JMY: variants seen among roughly 807,000 people sequenced by gnomAD.
The protein encoded by JMY is junction-mediating and -regulatory protein.
Under a neutral mutation model 103.3 loss-of-function variants are expected in JMY, and 46 were observed. The ratio of observed to expected loss-of-function variants is 0.45; its 90% CI spans 0.35 to 0.57. The LOEUF (loss-of-function observed/expected upper bound fraction) is 0.57. JMY is among the 20% of genes least tolerant of loss of function. The pLI is 0.00. For missense variants in JMY, 1,238 were observed against 1,255.2 expected (o/e 0.99, Z 0.21); for synonymous variants, 526 against 489.3 (o/e 1.07, Z -0.99).
chr5:79,295,948 G>A (rs1746551731), intron 4 of JMY, among the ~76,000 whole-genome samples: 1 of 152,152 alleles, frequency 6.6e-6, no homozygotes, highest in Non-Finnish European at 1.5e-5. Flanking sequence ...AGCAGTTAAA[G>A]TTTAAAATGT....
At chr5:79,296,592 CTG>C (rs1746570275) in intron 4 of JMY, among the ~76,000 whole-genome samples, 3 of 152,362 alleles carry the variant, frequency 2.0e-5, no homozygotes, top group Admixed American at 2.0e-4. Flanking sequence ...AGAGTCCCTA[CTG>C]TCTCAGCCTC....
rs756910039 is a variant in JMY at position 79,236,717 on chromosome 5, G to A, written c.67G>A (p.Glu23Lys). 22 of 1,501,900 alleles carry A rather than the reference G, an allele frequency of 1.5e-5. No homozygotes were observed. In the South Asian group the frequency reaches 2.7e-4, roughly 18 times the overall value. The allele number at this position is 1,501,900 out of a possible 1,614,324, so 93.0% of individuals were successfully genotyped here. The change falls in exon 1 of 11, where the codon GAG (glutamate) becomes AAG (lysine). Residue 23 changes from glutamate (E) to lysine (K), a missense_variant. Physicochemically the swap from Glu to Lys is moderately conservative, Grantham distance 56. Transcript: ENST00000396137. ...WVAVRPHVFD[E>K]REKHKFVFIV... ...GGCTGTGCGGCCCCATGTGTTCGAC[G>A]AGCGCGAGAAACACAAATTCGTCTT... is the stretch of plus-strand genomic sequence containing the variant.
intron 2 of JMY, chr5:79,284,449 G>T: frequency 3.8e-6 from 6 of 1,564,990 alleles, no homozygotes; most frequent in Non-Finnish European, 4.4e-6. Context: ...GGACCCGTTG[G>T]TGCTGGGCAT....
At position 79,270,441 on chromosome 5, in the gene JMY, A is replaced by AAT. The variant is rs57209851; in HGVS notation, c.1033-7462_1033-7461dup. ...AATATATATTTACATAAATATTTAAAATATATATTTACATAAATATTTAAA... is the reference window on the plus strand; with the variant it reads ...AATATATATTTACATAAATATTTAAAATATATATATTTACATAAATATTTAAA... On this transcript the variant is annotated intron_variant, in intron 1 of 10. Coordinates refer to ENST00000396137, the MANE Select transcript of JMY (RefSeq NM_152405.5). Among the ~76,000 whole-genome samples, 4 of 76,518 alleles carry AAT rather than the reference A, an allele frequency of 5.2e-5. 1 individual carries two copies. The highest frequency in any genetic ancestry group is 1.0e-4 in the Non-Finnish European group (4 of 38,702). The allele number at this position is 76,518 out of a possible 152,430, so 50.2% of individuals were successfully genotyped here. A position where few individuals can be genotyped will look rare whatever the true frequency, so the allele number is the denominator to read the frequency against.
At chr5:79,261,113 A>T (rs1443623830) in intron 1 of JMY, among the ~76,000 whole-genome samples, 1 of 152,222 alleles carries the variant, frequency 6.6e-6, no homozygotes, top group African/African-American at 2.4e-5. Context: ...TGGGTCACAC[A>T]AACCTGTCCC....
rs199879072 is a variant in JMY, at chr5:79,258,305, G to GTTTTTTTTTTTTTTT, written c.1033-19600_1033-19599insTTTTTTTTTTTTTTT. ...AAATTCAGATATTAGGGCTTTTTTT[G>GTTTTTTTTTTTTTTT]TTTTTGTTGTTTTTTTTTTTTTTTT... On this transcript the variant is annotated intron_variant, in intron 1 of 10. Coordinates refer to ENST00000396137, the MANE Select transcript of JMY (RefSeq NM_152405.5). Among the ~76,000 whole-genome samples the GTTTTTTTTTTTTTTT allele has an allele frequency of 5.1e-5, 6 of 117,024 alleles. 1 individual carries two copies. Among genetic ancestry groups the GTTTTTTTTTTTTTTT allele is most frequent in the South Asian group, 3.3e-4 (1 of 3,040 alleles). The allele number at this position is 117,024 out of a possible 152,430, so 76.8% of individuals were successfully genotyped here.
Position 79,284,879 on chromosome 5 carries a change from TG to T in JMY, c.1207-5241del. Reference sequence around the variant, plus strand: ...ACCACTTTCTTCTTGGCCCCCTTTTTGCTGCCTTTCGTAAGGTGCTTGTTCT... The same window carrying T: ...ACCACTTTCTTCTTGGCCCCCTTTTTCTGCCTTTCGTAAGGTGCTTGTTCT... On this transcript the variant is annotated intron_variant, in intron 2 of 10. Coordinates refer to ENST00000396137, the MANE Select transcript of JMY (RefSeq NM_152405.5). 4 of 1,568,386 alleles carry T rather than the reference TG, an allele frequency of 2.6e-6. No homozygotes were observed. The South Asian group carries it at 4.4e-5, about 17-fold the overall frequency.
In JMY at chr5:79,237,682, GGTGA is replaced by G. The variant is rs753336364; in HGVS notation, c.1032+10_1032+13del. ...AGCGGGCCAGGAAGCGCATCCAGGA[GGTGA>G]GTGAGTGAGCTCCTAGTCTGGGCTC... On this transcript the variant is annotated splice_donor_variant and splice_donor_region_variant and intron_variant, in intron 1 of 10. Coordinates refer to ENST00000396137, the MANE Select transcript of JMY (RefSeq NM_152405.5). LOFTEE classifies it high-confidence loss of function. 1.1e-5 allele frequency: 17 copies of G among 1,610,256 alleles called. No individual in the cohort carries two copies. The East Asian group carries it at 2.7e-4, about 25-fold the overall frequency.
intron 1 of JMY, among the ~76,000 whole-genome samples, chr5:79,270,885 A>G (rs1231913874): frequency 6.6e-6 from 1 of 151,892 alleles, no homozygotes; most frequent in African/African-American, 2.4e-5. Flanking sequence ...TGATATGATC[A>G]TGTGATTTTT....
rs71615518 is a variant in JMY at position 79,255,128 on chromosome 5, C to CTTTTTTTTTT, written c.1032+17454_1032+17455insTTTTTTTTTT. The stretch of plus-strand genomic sequence containing the variant: ...CTGAAAGGTCACATATCTCTCTCTC[C>CTTTTTTTTTT]TTTTTTTTGAGACAGGGTCTTGTAG... On this transcript the variant is annotated intron_variant, in intron 1 of 10. Coordinates refer to ENST00000396137, the MANE Select transcript of JMY (RefSeq NM_152405.5). Among the ~76,000 whole-genome samples the CTTTTTTTTTT allele has an allele frequency of 2.6e-3, 362 of 139,756 alleles. 17 individuals carry two copies. The highest frequency in any genetic ancestry group is 3.6e-3 in the Middle Eastern group (1 of 276). The allele number at this position is 139,756 out of a possible 152,430, so 91.7% of individuals were successfully genotyped here.
rs558675100 is a variant in JMY at position 79,259,181 on chromosome 5, C to T, written c.1033-18729C>T. Among the ~76,000 whole-genome samples the T allele has an allele frequency of 3.3e-4, 50 of 152,218 alleles. 1 individual carries two copies. In the South Asian group the frequency reaches 0.01, roughly 31 times the overall value. On this transcript the variant is annotated intron_variant, in intron 1 of 10. Coordinates refer to ENST00000396137, the MANE Select transcript of JMY (RefSeq NM_152405.5). ...CTTTTCTCTGCTGGGCAGGTCATCC[C>T]GACGAGTGTCCAGCTCTCAGAAGAG... is the stretch of plus-strand genomic sequence containing the variant.
chr5:79,299,499 A>G (rs1315109715), intron 4 of JMY, among the ~76,000 whole-genome samples: 1 of 151,824 alleles, frequency 6.6e-6, no homozygotes, highest in Admixed American at 6.6e-5. Context: ...AGCAAACCTC[A>G]CAGAAGACCA....
chr5:79,263,888 C>G (rs562593863), intron 1 of JMY, among the ~76,000 whole-genome samples: 9 of 151,974 alleles, frequency 5.9e-5, no homozygotes, highest in African/African-American at 2.2e-4. Flanking sequence ...GTCTCCGCCT[C>G]CCAGGTGCAA....
chr5:79,284,887 T>C, intron 2 of JMY: 3 of 1,563,196 alleles, frequency 1.9e-6, no homozygotes, highest in Non-Finnish European at 2.6e-6. Flanking sequence ...TTTGCTGCCT[T>C]TCGTAAGGTG....
chr5:79,258,514 T>G (rs1745323601), intron 1 of JMY, among the ~76,000 whole-genome samples: 1 of 152,032 alleles, frequency 6.6e-6, no homozygotes, highest in Admixed American at 6.6e-5. Context: ...CTGGGTCCCA[T>G]GCCTGCCAAG....
In JMY at chr5:79,321,949, A is replaced by T. The variant is rs544891194; in HGVS notation, c.*347A>T. ...TGTAAGTTGGAAGAACACTGGGTTG[A>T]CAGAGATCTACTGTGAGCTGTATTG... On this transcript the variant is annotated 3_prime_UTR_variant, in exon 11 of 11. Coordinates refer to ENST00000396137, the MANE Select transcript of JMY (RefSeq NM_152405.5). The T allele has an allele frequency of 6.6e-6, 1 of 152,350 alleles. No homozygotes were observed. The highest frequency in any genetic ancestry group is 2.1e-4 in the South Asian group (1 of 4,822). The allele number at this position is 152,350 out of a possible 1,614,324, so 9.4% of individuals were successfully genotyped here. A position where few individuals can be genotyped will look rare whatever the true frequency, so the allele number is the denominator to read the frequency against.
intron 7 of JMY, among the ~76,000 whole-genome samples, chr5:79,309,444 G>A (rs1282998380): frequency 6.6e-6 from 1 of 152,084 alleles, no homozygotes; most frequent in Non-Finnish European, 1.5e-5. Context: ...TTGCTGTGCC[G>A]CATCCCACAC....
Position 79,325,188 on chromosome 5 carries a change from T to C in JMY, c.*3586T>C, listed in dbSNP as rs1406598794. 2 of 152,360 alleles carry C rather than the reference T, an allele frequency of 1.3e-5. No homozygotes were observed. The highest frequency in any genetic ancestry group is 4.8e-5 in the African/African-American group (2 of 41,474). The allele number at this position is 152,360 out of a possible 1,614,324, so 9.4% of individuals were successfully genotyped here. Reference sequence around the variant, plus strand: ...GAGTGTTTGTATAAATTTAAGTCAATGCTTTTAGCCTAGGCAAAGCTAAAT... The same window carrying C: ...GAGTGTTTGTATAAATTTAAGTCAACGCTTTTAGCCTAGGCAAAGCTAAAT... On this transcript the variant is annotated 3_prime_UTR_variant, in exon 11 of 11. Transcript: ENST00000396137.
rs972293129 is a variant in JMY at position 79,326,824 on chromosome 5, T to A, written c.*5222T>A. On this transcript the variant is annotated 3_prime_UTR_variant, in exon 11 of 11. Transcript: ENST00000396137. ...TTTGCTTGGCTTGTAAGGATGGCTT[T>A]AGTACCATTACATTAAATGGACAGT... 3 of 152,236 alleles carry A rather than the reference T, an allele frequency of 2.0e-5. No homozygotes were observed. The highest frequency in any genetic ancestry group is 7.2e-5 in the African/African-American group (3 of 41,476). 9.4% of individuals were successfully genotyped at this position (152,236 alleles called of 1,614,324 possible).
Sources: gnomAD v4.1 joint callset for allele counts (sites outside exome capture counted in the v4.1 genomes callset) on GRCh38, gnomAD v4.1.1 for gene constraint, MANE v1.5 for transcripts, NCBI Gene and HGNC (gene_info 2026-07-23, HGNC 2026-07-21) for gene names.